Variants in RELN observed in about 807,000 individuals in gnomAD.
The protein encoded by RELN is reelin.
Under a neutral mutation model 427.6 loss-of-function variants are expected in RELN, and 108 were observed. The observed-to-expected ratio is 0.25, with a 90% CI of 0.22 to 0.30. RELN has a LOEUF of 0.30. Among genes scored for constraint, RELN ranks in the 10% least tolerant of loss-of-function variants. RELN has a pLI of 1.00. For synonymous variants in RELN, 1,524 were observed against 1,513.4 expected, an observed-to-expected ratio of 1.01 and a Z score of -0.16; for missense variants, 3,715 against 4,302.8, an observed-to-expected ratio of 0.86 and a Z score of 3.82.
chr7:103,818,259 G>A (rs74845564), intron 3 of RELN, among the ~76,000 whole-genome samples: 1,728 of 152,264 alleles, frequency 0.011, 30 homozygotes, highest in African/African-American at 0.036. Flanking sequence ...GAGACAGAAT[G>A]CGTTGCTTTT....
chr7:103,589,687 T>C lies in RELN; in HGVS notation c.4054A>G (p.Arg1352Gly). 1 of 1,614,126 alleles carries C rather than the reference T, an allele frequency of 6.2e-7. No homozygotes were observed. The highest frequency in any genetic ancestry group is 8.5e-7 in the Non-Finnish European group (1 of 1,179,976). The change falls in exon 28 of 65, where the codon AGA becomes GGA. Residue 1352 changes from arginine to glycine, a missense_variant. By Grantham distance (125) the Arg-to-Gly change is moderately radical (BLOSUM62 -2). Around this residue, in one of 4 missense-constraint regions of RELN, gnomAD observed 2,208 missense variants for 2,361.7 expected, o/e 0.93. Transcript: ENST00000428762. The stretch of plus-strand genomic sequence containing the variant: ...TACATGGTGGGCTCACTTAGTTCTC[T>C]GGAGTTTCCTTCGCATCCTTTGCCT... Reference protein sequence around the residue: ...SAGKGCEGNSRELSEPTMYHT... With the variant: ...SAGKGCEGNSGELSEPTMYHT...
intron 2 of RELN, among the ~76,000 whole-genome samples, chr7:103,863,012 G>A (rs1212776734): frequency 2.6e-5 from 4 of 152,078 alleles, no homozygotes; most frequent in African/African-American, 4.8e-5. Context: ...CAGCTAGAGC[G>A]CTGAAACAGG....
chr7:103,987,232 C>T (rs912328057), intron 1 of RELN, among the ~76,000 whole-genome samples: 2 of 152,186 alleles, frequency 1.3e-5, no homozygotes, highest in Admixed American at 1.3e-4. Flanking sequence ...TACAATTTCT[C>T]TACCTTTTCT....
intron 3 of RELN, among the ~76,000 whole-genome samples, chr7:103,819,731 TAATG>T (rs1212460341): frequency 6.6e-6 from 1 of 152,064 alleles, no homozygotes; most frequent in African/African-American, 2.4e-5. Flanking sequence ...ATATTTCAAA[TAATG>T]AAATATTTGA....
Position 103,971,200 on chromosome 7 carries a change from G to T in RELN, c.226+17931C>A, listed in dbSNP as rs574424201. On this transcript the variant is annotated intron_variant, in intron 1 of 64. Transcript: ENST00000428762. ...AGGGAAAAAAAGGTAGTCAAGTCAG[G>T]ATTAGAATCCAGGCATGTCTGATTC... Among the ~76,000 whole-genome samples, 9 of 151,156 alleles carry T rather than the reference G, an allele frequency of 6.0e-5. No homozygotes were observed. The South Asian group carries it at 1.5e-3, about 25-fold the overall frequency.
chr7:103,870,768 G>C (rs1584316402), intron 2 of RELN, among the ~76,000 whole-genome samples: 1 of 152,192 alleles, frequency 6.6e-6, no homozygotes, highest in African/African-American at 2.4e-5. Context: ...TGTCTGGAAA[G>C]CACCGTGTGG....
At chr7:103,972,975 A>G (rs904923923) in intron 1 of RELN, among the ~76,000 whole-genome samples, 2 of 152,140 alleles carry the variant, frequency 1.3e-5, no homozygotes, top group Non-Finnish European at 2.9e-5. Context: ...AGGTACCATC[A>G]GCAAGAATGT....
intron 8 of RELN, among the ~76,000 whole-genome samples, chr7:103,708,636 TG>T (rs1789705677): frequency 6.6e-6 from 1 of 151,852 alleles, no homozygotes; most frequent in East Asian, 1.9e-4. Context: ...GCTAATTTTT[TG>T]TATTTTTAGT....
intron 3 of RELN, among the ~76,000 whole-genome samples, chr7:103,797,420 C>A (rs1792334586): frequency 6.6e-6 from 1 of 152,082 alleles, no homozygotes; most frequent in Non-Finnish European, 1.5e-5. Context: ...TCATTTTAGA[C>A]TGATGGAAAA....
intron 49 of RELN, among the ~76,000 whole-genome samples, chr7:103,516,648 G>A (rs1038926919): frequency 4.0e-5 from 6 of 151,842 alleles, no homozygotes; most frequent in Non-Finnish European, 5.9e-5. Context: ...ATACCTCAAG[G>A]GATGCCTTTT....
At chr7:103,933,854 G>A (rs73183765) in intron 1 of RELN, among the ~76,000 whole-genome samples, 30,559 of 152,002 alleles carry the variant, frequency 0.2, 3,206 homozygotes, top group Admixed American at 0.26. Context: ...TGACAAAACT[G>A]TTTTGTTTTT....
intron 2 of RELN, among the ~76,000 whole-genome samples, chr7:103,871,683 G>T (rs967037152): frequency 1.3e-5 from 2 of 152,086 alleles, no homozygotes; most frequent in Non-Finnish European, 2.9e-5. Flanking sequence ...ACTCTTGTGG[G>T]AAATATTTTT....
intron 1 of RELN, among the ~76,000 whole-genome samples, chr7:103,920,572 TTTTTTTG>T (rs1484653690): frequency 5.9e-4 from 67 of 113,238 alleles, no homozygotes; most frequent in African/African-American, 2.8e-3. Flanking sequence ...CTTTGGTTTT[TTTTTTTG>T]TTTTTTTTTT....
intron 19 of RELN, among the ~76,000 whole-genome samples, chr7:103,631,422 T>C (rs568842805): frequency 6.6e-5 from 10 of 151,020 alleles, no homozygotes; most frequent in African/African-American, 1.9e-4. Flanking sequence ...GCCTCCTGTG[T>C]AGCTGGGACT....
chr7:103,867,375 T>TA (rs34552560), intron 2 of RELN, among the ~76,000 whole-genome samples: 24,487 of 144,240 alleles, frequency 0.17, 2,098 homozygotes, highest in East Asian at 0.34. Context: ...ATTGCCTCAC[T>TA]AAAAAAAAAA....
At chr7:103,834,642 T>G (rs1027048049) in intron 2 of RELN, among the ~76,000 whole-genome samples, 3 of 152,126 alleles carry the variant, frequency 2.0e-5, no homozygotes, top group African/African-American at 7.2e-5. Flanking sequence ...CCAAAAGACC[T>G]AAACAGATAC....
At chr7:103,976,027 A>C (rs987535587) in intron 1 of RELN, among the ~76,000 whole-genome samples, 2 of 152,158 alleles carry the variant, frequency 1.3e-5, no homozygotes, top group African/African-American at 4.8e-5. Flanking sequence ...TGTTTGAAGA[A>C]CAAAAAAGAG....
At chr7:103,780,391 A>T (rs559431915) in intron 3 of RELN, among the ~76,000 whole-genome samples, 4 of 152,296 alleles carry the variant, frequency 2.6e-5, no homozygotes, top group South Asian at 2.1e-4. Flanking sequence ...AATCTTTTTT[A>T]AAAAAATGTT....
At chr7:103,734,790 T>G (rs114752790) in intron 6 of RELN, among the ~76,000 whole-genome samples, 2 of 152,306 alleles carry the variant, frequency 1.3e-5, no homozygotes, top group African/African-American at 4.8e-5. Flanking sequence ...AAAAACAATG[T>G]GCATTTCAAG....
Sources: allele counts gnomAD v4.1 joint callset (sites outside exome capture counted in the v4.1 genomes callset), GRCh38; gene constraint gnomAD v4.1.1; regional missense constraint gnomAD v4.1.1; transcripts MANE v1.5; gene names NCBI Gene and HGNC (gene_info 2026-07-23, HGNC 2026-07-21).